The following TAOK1 variants were observed in gnomAD, a reference collection of about 807,000 sequenced individuals.
The protein encoded by TAOK1 is serine/threonine-protein kinase TAO1.
Under a neutral mutation model 138.3 loss-of-function variants are expected in TAOK1, and 21 were observed. The observed-to-expected ratio is 0.15, with a 90% CI of 0.11 to 0.22. The LOEUF (loss-of-function observed/expected upper bound fraction) is 0.22. Among genes scored for constraint, TAOK1 ranks in the 10% least tolerant of loss-of-function variants. The pLI, the probability that TAOK1 is intolerant of heterozygous loss-of-function variation, is 1.00. For synonymous variants in TAOK1, 361 were observed against 398.4 expected (o/e 0.91, Z 1.12); for missense variants, 651 against 1,227.7 (o/e 0.53, Z 7.02).
intron 3 of TAOK1, among the ~76,000 whole-genome samples, chr17:29,472,650 C>T (rs1477574237): frequency 2.7e-5 from 4 of 150,820 alleles, no homozygotes; most frequent in Admixed American, 6.6e-5. Flanking sequence ...CTCGGCTCAC[C>T]GCAACCTCCG....
Position 29,542,589 on chromosome 17 carries a change from A to G in TAOK1, c.2573A>G (p.Asn858Ser), listed in dbSNP as rs201704743. Reference protein sequence around the residue: ...KIEEEMLALQNERTERIRSLL... With the variant: ...KIEEEMLALQSERTERIRSLL... ...GAAGAAGAGATGTTGGCTTTGCAGA[A>G]TGAGCGCACAGAACGAATACGAAGC... The change falls in exon 20 of 20, where the codon AAT becomes AGT. Residue 858 changes from asparagine (N) to serine (S), a missense_variant. Physicochemically the swap from Asn to Ser is conservative, Grantham distance 46 (BLOSUM62 1). This residue lies in a region of TAOK1 where 258 missense variants were observed against 548.9 expected (regional missense o/e 0.47). Transcript: ENST00000261716. 36 of 1,609,094 alleles carry G rather than the reference A, an allele frequency of 2.2e-5. No individual in the cohort carries two copies. The highest frequency in any genetic ancestry group is 8.5e-5 in the Admixed American group (5 of 59,042).
intron 3 of TAOK1, among the ~76,000 whole-genome samples, chr17:29,472,973 A>G (rs138844600): frequency 1.7e-4 from 26 of 152,228 alleles, no homozygotes; most frequent in African/African-American, 4.8e-4. Flanking sequence ...AACAACATAA[A>G]TCTCCTTTTA....
At chr17:29,405,492 G>A (rs1157487295) in intron 1 of TAOK1, among the ~76,000 whole-genome samples, 1 of 152,126 alleles carries the variant, frequency 6.6e-6, no homozygotes, top group Non-Finnish European at 1.5e-5. Context: ...AAGACCACAA[G>A]TTTAGGCCAG....
At chr17:29,430,690 C>T (rs759977601) in intron 1 of TAOK1, among the ~76,000 whole-genome samples, 6 of 152,122 alleles carry the variant, frequency 3.9e-5, no homozygotes, top group South Asian at 2.1e-4. Context: ...GGTTCCCTGC[C>T]TCCAGACCCT....
chr17:29,455,451 T>C (rs1405067520), intron 2 of TAOK1, among the ~76,000 whole-genome samples: 1 of 150,528 alleles, frequency 6.6e-6, no homozygotes, highest in Non-Finnish European at 1.5e-5. Context: ...CTTTTCAACT[T>C]GAATGGCTTT....
chr17:29,440,589 C>A (rs958469712), intron 1 of TAOK1, among the ~76,000 whole-genome samples: 1 of 127,016 alleles, frequency 7.9e-6, no homozygotes, highest in South Asian at 2.5e-4. Flanking sequence ...TTTTTTTTTT[C>A]TTTTTGAGAC....
chr17:29,537,535 A>G (rs2032243702), intron 19 of TAOK1, among the ~76,000 whole-genome samples: 1 of 147,386 alleles, frequency 6.8e-6, no homozygotes, highest in African/African-American at 2.5e-5. Flanking sequence ...GGAGGGGGCA[A>G]GGATAGAAAT....
At chr17:29,461,783 C>A (rs1228161847) in intron 2 of TAOK1, among the ~76,000 whole-genome samples, 2 of 151,326 alleles carry the variant, frequency 1.3e-5, no homozygotes, top group Non-Finnish European at 2.9e-5. Context: ...TTTAGGGGGC[C>A]AGGAAACTCT....
intron 3 of TAOK1, among the ~76,000 whole-genome samples, chr17:29,472,319 C>T (rs1028863313): frequency 2.7e-5 from 4 of 146,602 alleles, no homozygotes; most frequent in Admixed American, 2.1e-4. Flanking sequence ...ATGGCATGAT[C>T]TCGGCTCACT....
intron 1 of TAOK1, among the ~76,000 whole-genome samples, chr17:29,421,195 C>T (rs1905435155): frequency 6.6e-6 from 1 of 152,128 alleles, no homozygotes; most frequent in East Asian, 1.9e-4. Context: ...TCCCGGAGTG[C>T]TGGGATTACA....
rs2032421180 is a variant in TAOK1, at chr17:29,547,564, T to C, written c.*4542T>C. 6.6e-6 allele frequency: 1 copy of C among 152,110 alleles called. No homozygotes were observed. Among genetic ancestry groups the C allele is most frequent in the Non-Finnish European group, 1.5e-5 (1 of 67,984 alleles). 9.4% of individuals were successfully genotyped at this position (152,110 alleles called of 1,614,324 possible). ...TGTATTCAAATCAAAAAATAATATA[T>C]TTAAGGTATATAAGTGTGAATCTCC... On this transcript the variant is annotated 3_prime_UTR_variant, in exon 20 of 20. Transcript: ENST00000261716.
At position 29,543,508 on chromosome 17, in the gene TAOK1, T is replaced by A. The variant is rs1231609805; in HGVS notation, c.*486T>A. 1 of 153,092 alleles carries A rather than the reference T, an allele frequency of 6.5e-6. No homozygotes were observed. The highest frequency in any genetic ancestry group is 1.5e-5 in the Non-Finnish European group (1 of 68,362). 9.5% of individuals were successfully genotyped at this position (153,092 alleles called of 1,614,324 possible). A position where few individuals can be genotyped will look rare whatever the true frequency, so the allele number is the denominator to read the frequency against. On this transcript the variant is annotated 3_prime_UTR_variant, in exon 20 of 20. Transcript: ENST00000261716. ...AGCAGGCAGCATATGTTGAAATAAG[T>A]TATTACTGGTACACACCTGCATTGC...
At chr17:29,463,750 G>A (rs1047520100) in intron 2 of TAOK1, among the ~76,000 whole-genome samples, 1 of 152,130 alleles carries the variant, frequency 6.6e-6, no homozygotes, top group African/African-American at 2.4e-5. Flanking sequence ...ACTTCTTCAA[G>A]ATTAAAAACT....
chr17:29,494,175 G>A (rs62066620), intron 10 of TAOK1, among the ~76,000 whole-genome samples: 23,495 of 152,102 alleles, frequency 0.15, 2,076 homozygotes, highest in Middle Eastern at 0.22. Flanking sequence ...CCAAAGTGCT[G>A]TGATAACAGG....
intron 1 of TAOK1, among the ~76,000 whole-genome samples, chr17:29,446,351 C>T (rs932557992): frequency 6.6e-6 from 1 of 152,108 alleles, no homozygotes; most frequent in Non-Finnish European, 1.5e-5. Context: ...ACGCCATTCT[C>T]CTCCCTCAGC....
Position 29,543,033 on chromosome 17 carries a change from G to A in TAOK1, c.*11G>A. 6.5e-7 allele frequency: 1 copy of A among 1,542,056 alleles called. No homozygotes were observed. The highest frequency in any genetic ancestry group is 8.8e-7 in the Non-Finnish European group (1 of 1,138,328). ...ATGTCTTATACATAACTTAATAATTGAGAGTGGCAATTCCGCTGGAGCTGT... is the reference window on the plus strand; with the variant it reads ...ATGTCTTATACATAACTTAATAATTAAGAGTGGCAATTCCGCTGGAGCTGT... On this transcript the variant is annotated 3_prime_UTR_variant, in exon 20 of 20. Coordinates refer to ENST00000261716, the MANE Select transcript of TAOK1 (RefSeq NM_020791.4).
intron 8 of TAOK1, among the ~76,000 whole-genome samples, chr17:29,488,583 A>AAT (rs1242268913): frequency 1.5e-5 from 2 of 136,202 alleles, no homozygotes; most frequent in African/African-American, 6.5e-5. Flanking sequence ...AAAAAATAAT[A>AAT]ATAATAATAA....
At chr17:29,523,893 G>T (rs1014184678) in intron 17 of TAOK1, among the ~76,000 whole-genome samples, 1 of 152,078 alleles carries the variant, frequency 6.6e-6, no homozygotes, top group African/African-American at 2.4e-5. Flanking sequence ...AATGGTTCTT[G>T]GTTTTACTCT....
intron 11 of TAOK1, among the ~76,000 whole-genome samples, chr17:29,497,839 G>C (rs998494619): frequency 5.3e-5 from 8 of 151,400 alleles, no homozygotes; most frequent in Non-Finnish European, 1.0e-4. Flanking sequence ...GAAGTTTCTA[G>C]TACTTTATTT....
Sources: gnomAD v4.1 joint callset for allele counts (sites outside exome capture counted in the v4.1 genomes callset) on GRCh38, gnomAD v4.1.1 for gene constraint, gnomAD v4.1.1 regional missense constraint, MANE v1.5 for transcripts, NCBI Gene and HGNC (gene_info 2026-07-23, HGNC 2026-07-21) for gene names.